STX8: variants seen among roughly 807,000 people sequenced by gnomAD.
STX8 encodes syntaxin 8.
Under a neutral mutation model 37.5 loss-of-function variants are expected in STX8, and 23 were observed. The ratio of observed to expected loss-of-function variants is 0.61; its 90% confidence interval spans 0.44 to 0.87. The LOEUF is 0.87. STX8 is among the 40% of genes least tolerant of loss of function. The probability of loss-of-function intolerance (pLI) is 0.00; values close to 1 mark genes in which losing one functional copy is unlikely to be tolerated. For missense variants in STX8, 313 were observed against 284.7 expected (o/e 1.10, Z -0.71); for synonymous variants, 115 against 99.1 (o/e 1.16, Z -0.95).
intron 7 of STX8, among the ~76,000 whole-genome samples, chr17:9,370,559 A>G (rs1911371611): frequency 6.6e-6 from 1 of 152,204 alleles, no homozygotes; most frequent in Admixed American, 6.5e-5. Flanking sequence ...ATGGTCGTCG[A>G]TTGAGACAGC....
intron 7 of STX8, among the ~76,000 whole-genome samples, chr17:9,313,583 A>T (rs1236682148): frequency 1.3e-5 from 2 of 152,138 alleles, no homozygotes; most frequent in Non-Finnish European, 2.9e-5. Context: ...CCATCACAAG[A>T]TCTGATCCCC....
In STX8 at chr17:9,440,977, C is replaced by A. The variant is rs976965491; in HGVS notation, c.541+50852G>T. ...CGCTTCACCATGGCTGGCCTCCTCT[C>A]CATCTCCAGCTCCCAGGGGTTGACT... On this transcript the variant is annotated intron_variant, in intron 6 of 7. Coordinates refer to ENST00000306357, the MANE Select transcript of STX8 (RefSeq NM_004853.3). Among the ~76,000 whole-genome samples, 4 of 152,300 alleles carry A rather than the reference C, an allele frequency of 2.6e-5. 1 individual carries two copies. The East Asian group carries it at 7.7e-4, about 29-fold the overall frequency.
intron 7 of STX8, among the ~76,000 whole-genome samples, chr17:9,349,235 G>A (rs1910623195): frequency 6.6e-6 from 1 of 151,002 alleles, no homozygotes; most frequent in Non-Finnish European, 1.5e-5. Context: ...TGGGTGATCT[G>A]CCTACCTCGG....
At chr17:9,251,314 C>T (rs550524891) in intron 7 of STX8, among the ~76,000 whole-genome samples, 166 of 152,332 alleles carry the variant, frequency 1.1e-3, no homozygotes, top group Middle Eastern at 6.8e-3. Flanking sequence ...GTTCCTTCAC[C>T]TGATGCTGAT....
chr17:9,384,601 C>A (rs988380065), intron 6 of STX8, among the ~76,000 whole-genome samples: 1 of 152,124 alleles, frequency 6.6e-6, no homozygotes, highest in Non-Finnish European at 1.5e-5. Flanking sequence ...AAGGCACCCA[C>A]TGCACTCCAG....
chr17:9,564,337 GGAAAAGAAA>G (rs750558681), intron 2 of STX8, among the ~76,000 whole-genome samples: 24 of 146,928 alleles, frequency 1.6e-4, no homozygotes, highest in South Asian at 1.3e-3. Context: ...GAGAAAGGAA[GGAAAAGAAA>G]GAAAAGAAAG....
At chr17:9,443,277 G>A (rs1597675532) in intron 6 of STX8, among the ~76,000 whole-genome samples, 1 of 152,260 alleles carries the variant, frequency 6.6e-6, no homozygotes, top group Non-Finnish European at 1.5e-5. Context: ...ACTACTGAAA[G>A]CAGCCATAGG....
chr17:9,330,435 C>T (rs1012930985), intron 7 of STX8, among the ~76,000 whole-genome samples: 1 of 152,170 alleles, frequency 6.6e-6, no homozygotes, highest in Non-Finnish European at 1.5e-5. Flanking sequence ...CACCCCCCAA[C>T]CCGGTCTACA....
intron 7 of STX8, among the ~76,000 whole-genome samples, chr17:9,269,210 T>C (rs950059425): frequency 6.6e-6 from 1 of 151,586 alleles, no homozygotes; most frequent in Admixed American, 6.6e-5. Flanking sequence ...AAAAGAAGTA[T>C]TTGAGGCCCA....
At chr17:9,458,370 C>G (rs899299567) in intron 6 of STX8, among the ~76,000 whole-genome samples, 6 of 151,988 alleles carry the variant, frequency 3.9e-5, no homozygotes, top group African/African-American at 1.4e-4. Flanking sequence ...AGGATGGTGT[C>G]GATCTCCTGA....
chr17:9,485,240 G>A (rs1263113471), intron 6 of STX8, among the ~76,000 whole-genome samples: 5 of 152,194 alleles, frequency 3.3e-5, no homozygotes, highest in African/African-American at 9.6e-5. Context: ...AGTAATCGAG[G>A]CCAAGGATGA....
intron 6 of STX8, among the ~76,000 whole-genome samples, chr17:9,490,986 C>T (rs1906829470): frequency 6.6e-6 from 1 of 152,160 alleles, no homozygotes; most frequent in African/African-American, 2.4e-5. Flanking sequence ...TGGGGGCTTT[C>T]CATAAATGCC....
At chr17:9,343,220 C>A (rs958882880) in intron 7 of STX8, among the ~76,000 whole-genome samples, 3 of 152,074 alleles carry the variant, frequency 2.0e-5, no homozygotes, top group African/African-American at 7.2e-5. Context: ...AGAAACCAAA[C>A]CACACTGTTG....
chr17:9,451,717 T>C (rs538189352), intron 6 of STX8, among the ~76,000 whole-genome samples: 8 of 152,302 alleles, frequency 5.3e-5, no homozygotes, highest in Non-Finnish European at 8.8e-5. Flanking sequence ...CCAAAAATGA[T>C]TATTTTTGAA....
At chr17:9,485,320 T>A (rs1226914475) in intron 6 of STX8, among the ~76,000 whole-genome samples, 1 of 152,056 alleles carries the variant, frequency 6.6e-6, no homozygotes, top group Non-Finnish European at 1.5e-5. Flanking sequence ...AGGACAGGAC[T>A]CACCTCATGA....
chr17:9,487,479 G>A (rs992989878), intron 6 of STX8, among the ~76,000 whole-genome samples: 1 of 152,102 alleles, frequency 6.6e-6, no homozygotes, highest in African/African-American at 2.4e-5. Context: ...AGCTGATGAT[G>A]GTCTTGGCAG....
At chr17:9,479,996 T>C (rs934062788) in intron 6 of STX8, among the ~76,000 whole-genome samples, 37 of 152,254 alleles carry the variant, frequency 2.4e-4, no homozygotes, top group African/African-American at 8.4e-4. Flanking sequence ...TTGCTTTTCA[T>C]ACAGGTAACT....
chr17:9,316,768 T>C (rs1457804239), intron 7 of STX8, among the ~76,000 whole-genome samples: 1 of 152,210 alleles, frequency 6.6e-6, no homozygotes, highest in Non-Finnish European at 1.5e-5. Context: ...CAGCTGGTCA[T>C]TGAGAAATTC....
At chr17:9,400,708 G>A (rs563814656) in intron 6 of STX8, among the ~76,000 whole-genome samples, 9 of 152,100 alleles carry the variant, frequency 5.9e-5, no homozygotes, top group Non-Finnish European at 1.2e-4. Context: ...GCCCGGCCGA[G>A]TCAGTGGAAT....
Sources: gnomAD v4.1 joint callset for allele counts (sites outside exome capture counted in the v4.1 genomes callset) on GRCh38, gnomAD v4.1.1 for gene constraint, MANE v1.5 for transcripts, NCBI Gene and HGNC (gene_info 2026-07-23, HGNC 2026-07-21) for gene names.